SATB1: variants seen among roughly 807,000 people sequenced by gnomAD.
SATB1 encodes the protein DNA-binding protein SATB1.
SATB1 carries 11 observed loss-of-function variants against 86.9 expected under a neutral mutation model. The observed-to-expected ratio is 0.13, with a 90% CI of 0.08 to 0.21. SATB1 has a LOEUF of 0.21. Ranked by LOEUF, SATB1 falls within the 10% of genes least tolerant of loss-of-function variation. The pLI, the probability that SATB1 is intolerant of heterozygous loss-of-function variation, is 1.00. For missense variants in SATB1, 551 were observed against 937.6 expected (o/e 0.59, Z 5.39); for synonymous variants, 357 against 357.2 (o/e 1.00, Z 0.01).
upstream of SATB1, among the ~76,000 whole-genome samples, chr3:18,441,142 C>T (rs1202171183): frequency 6.6e-6 from 1 of 152,172 alleles, no homozygotes; most frequent in East Asian, 1.9e-4. Context: ...TTGCTGAACT[C>T]TCCTGAGAGA....
intron 7 of SATB1, among the ~76,000 whole-genome samples, chr3:18,390,818 T>C (rs1486739526): frequency 1.3e-5 from 2 of 152,196 alleles, no homozygotes; most frequent in Admixed American, 6.5e-5. Flanking sequence ...CTCTGAATTT[T>C]ATTCTTTTAA....
At chr3:18,393,372 T>C (rs545589182) in intron 7 of SATB1, among the ~76,000 whole-genome samples, 32 of 152,308 alleles carry the variant, frequency 2.1e-4, no homozygotes, top group African/African-American at 7.2e-4. Context: ...TTAGTGTACC[T>C]GGGCCAAAAA....
rs1268326893 is a variant in SATB1 at position 18,349,897 on chromosome 3, TG to T, written c.1780-216del. 2.6e-6 allele frequency: 2 copies of T among 779,912 alleles called. No homozygotes were observed. Among genetic ancestry groups the T allele is most frequent in the African/African-American group, 3.5e-5 (2 of 57,122 alleles). 48.3% of individuals were successfully genotyped at this position (779,912 alleles called of 1,614,324 possible). A position where few individuals can be genotyped will look rare whatever the true frequency, so the allele number is the denominator to read the frequency against. On this transcript the variant is annotated intron_variant, in intron 10 of 10. Transcript: ENST00000338745. This position sits in a 1 kb window ranked among gnomAD's most constrained non-coding sequence, Gnocchi z 5.5. ...AGGAAGGGATGAATTAAGACAGCTT[TG>T]GGGGGCTACTGCACTTACTTATCAG... is the stretch of plus-strand genomic sequence containing the variant.
chr3:18,432,926 C>T (rs192834481), intron 2 of SATB1, among the ~76,000 whole-genome samples: 3 of 152,152 alleles, frequency 2.0e-5, no homozygotes, highest in Admixed American at 6.5e-5. Context: ...ATTGAACAAT[C>T]CCATCCCCAC....
rs1246638741 is a variant in SATB1 at position 18,416,000 on chromosome 3, G to C, written c.515+7C>G. On this transcript the variant is annotated splice_region_variant and intron_variant, in intron 4 of 10. Transcript: ENST00000338745. ...TGTTTCACCCTAGATTTGCTGTCTT[G>C]ACTCACCTGTGTAACTGAATTTTCA... 6.3e-7 allele frequency: 1 copy of C among 1,590,104 alleles called. No homozygotes were observed. The highest frequency in any genetic ancestry group is 2.3e-5 in the East Asian group (1 of 44,162).
intron 1 of SATB1, among the ~76,000 whole-genome samples, chr3:18,421,547 T>C (rs147995415): frequency 3.5e-4 from 53 of 152,254 alleles, no homozygotes; most frequent in African/African-American, 1.3e-3. Context: ...AAACTCCCCA[T>C]TGGCTTTTGT....
At position 18,436,750 on chromosome 3, in the gene SATB1, C is replaced by G. The variant is rs565217975; in HGVS notation, c.-25+39G>C. On this transcript the variant is annotated intron_variant, in intron 2 of 3. Transcript: ENST00000414509. ...TTCTGTTTTATATAACACAGACATA[C>G]CTTATTACTTACTTACTTTTTTGTA... The G allele has an allele frequency of 7.2e-5, 11 of 152,262 alleles. No individual in the cohort carries two copies. In the East Asian group the frequency reaches 2.1e-3, roughly 29 times the overall value. 9.4% of individuals were successfully genotyped at this position (152,262 alleles called of 1,614,324 possible).
intron 8 of SATB1, among the ~76,000 whole-genome samples, chr3:18,385,415 G>C (rs1387867236): frequency 6.6e-6 from 1 of 152,106 alleles, no homozygotes; most frequent in Non-Finnish European, 1.5e-5. Flanking sequence ...GAGGTCAGGA[G>C]ATGGAGACCA....
At chr3:18,358,976 C>T (rs1161736271) in intron 9 of SATB1, among the ~76,000 whole-genome samples, 1 of 151,860 alleles carries the variant, frequency 6.6e-6, no homozygotes, top group Non-Finnish European at 1.5e-5. Flanking sequence ...ACACCTCTAC[C>T]AGAGTTTCTA....
Position 18,386,313 on chromosome 3 carries a change from A to C in SATB1, c.1419+86T>G, listed in dbSNP as rs1356347151. On this transcript the variant is annotated intron_variant, in intron 8 of 10. Coordinates refer to ENST00000338745, the MANE Select transcript of SATB1 (RefSeq NM_002971.6). This position sits in a 1 kb window ranked among gnomAD's most constrained non-coding sequence, Gnocchi z 4.5. Reference sequence around the variant, plus strand: ...TAAAAACATATAAATCTATGTATCTATCTATCTAATTTCTTATTGAGATTC... The same window carrying C: ...TAAAAACATATAAATCTATGTATCTCTCTATCTAATTTCTTATTGAGATTC... The C allele has an allele frequency of 3.0e-6, 3 of 999,732 alleles. No individual in the cohort carries two copies. The African/African-American group carries it at 4.9e-5, about 16-fold the overall frequency. The allele number at this position is 999,732 out of a possible 1,614,324, so 61.9% of individuals were successfully genotyped here. A position where few individuals can be genotyped will look rare whatever the true frequency, so the allele number is the denominator to read the frequency against.
At chr3:18,435,095 T>C (rs1371614929) in intron 2 of SATB1, 1 of 152,194 alleles carries the variant, frequency 6.6e-6, no homozygotes, top group Non-Finnish European at 1.5e-5. Context: ...ACATGCCGGT[T>C]AGTAATAATA....
chr3:18,375,918 G>A (rs1304283394), intron 9 of SATB1, among the ~76,000 whole-genome samples: 5 of 152,138 alleles, frequency 3.3e-5, no homozygotes, highest in Admixed American at 6.5e-5. Flanking sequence ...GACTCCCATA[G>A]CCCACTATTG....
chr3:18,420,823 C>T lies in SATB1; in HGVS notation c.145G>A (p.Gly49Ser). The change falls in exon 2 of 11, where the codon GGT becomes AGT. Residue 49 changes from glycine to serine, a missense_variant. Physicochemically the swap from Gly to Ser is moderately conservative, Grantham distance 56 (BLOSUM62 0). This residue lies in a region of SATB1 where 153 missense variants were observed against 258.1 expected (regional missense o/e 0.59). Coordinates refer to ENST00000338745, the MANE Select transcript of SATB1 (RefSeq NM_002971.6). ...AAAGGCACTCCCTGCATTTTTGCAC[C>T]TGTACTCCCAAGCCTTCCTCTTCCT... ...PLGRGRLGST[G>S]AKMQGVPLKH... The T allele has an allele frequency of 6.2e-7, 1 of 1,614,170 alleles. No individual in the cohort carries two copies. Among genetic ancestry groups the T allele is most frequent in the African/African-American group, 1.3e-5 (1 of 75,044 alleles).
At chr3:18,370,112 G>C (rs1002093252) in intron 9 of SATB1, among the ~76,000 whole-genome samples, 1 of 152,084 alleles carries the variant, frequency 6.6e-6, no homozygotes, top group East Asian at 1.9e-4. Flanking sequence ...CAGTTTTCCC[G>C]GCGTATTTGG....
At chr3:18,413,892 C>T (rs80068811) in intron 5 of SATB1, among the ~76,000 whole-genome samples, 2,429 of 152,140 alleles carry the variant, frequency 0.016, 29 homozygotes, top group Non-Finnish European at 0.024. Context: ...AGTGTTGGAA[C>T]GTAACTTAGC....
In SATB1 at chr3:18,443,953, A is replaced by C. The variant is rs1559472475; in HGVS notation, c.-25+1565T>G. On this transcript the variant is annotated intron_variant, in intron 1 of 3. Coordinates refer to the SATB1 transcript ENST00000415069. The surrounding 1 kb of genome is among the most constrained non-coding windows in gnomAD (Gnocchi z 4.4). ...GAAATGAGGAGTGCCGCGGCTTTCA[A>C]ACTCCGGGCTCCAACTTGAGCGCCC... 6.6e-6 allele frequency among the ~76,000 whole-genome samples: 1 copy of C among 152,118 alleles called. No homozygotes were observed. The highest frequency in any genetic ancestry group is 1.5e-5 in the Non-Finnish European group (1 of 68,012).
chr3:18,414,850 A>T (rs1406899676), intron 5 of SATB1: 2 of 342,028 alleles, frequency 5.8e-6, no homozygotes, highest in Non-Finnish European at 5.3e-6. Flanking sequence ...CAAATCTAAA[A>T]ATTAGCCAGC....
chr3:18,389,261 G>GTTTTTT (rs35192555), intron 7 of SATB1, among the ~76,000 whole-genome samples: 2 of 129,722 alleles, frequency 1.5e-5, no homozygotes, highest in African/African-American at 2.9e-5. Flanking sequence ...AAACCTTTGG[G>GTTTTTT]TTTTTTTTTT....
intron 9 of SATB1, among the ~76,000 whole-genome samples, chr3:18,366,419 T>C (rs1695189130): frequency 6.6e-6 from 1 of 150,884 alleles, no homozygotes; most frequent in Admixed American, 6.6e-5. Context: ...AAGTTTTTAA[T>C]GTGCCAGAAA....
Sources: allele counts gnomAD v4.1 joint callset (sites outside exome capture counted in the v4.1 genomes callset), GRCh38; gene constraint gnomAD v4.1.1; regional missense constraint gnomAD v4.1.1; non-coding constraint Gnocchi (gnomAD v3.1); transcripts MANE v1.5; gene names NCBI Gene and HGNC (gene_info 2026-07-23, HGNC 2026-07-21).